Variants in CSMD1 observed in about 807,000 individuals in gnomAD.
CSMD1 encodes CUB and sushi domain-containing protein 1.
Under a neutral mutation model 417.5 loss-of-function variants are expected in CSMD1, and 213 were observed. The observed-to-expected ratio is 0.51, with a 90% CI of 0.46 to 0.57. The LOEUF is 0.57. Ranked by LOEUF, CSMD1 falls within the 20% of genes least tolerant of loss-of-function variation. The pLI is 0.00. For missense variants in CSMD1, 6,923 were observed against 4,529.7 expected, an observed-to-expected ratio of 1.53 and a Z score of -15.17; for synonymous variants, 2,862 against 1,736.8, an observed-to-expected ratio of 1.65 and a Z score of -16.11.
At chr8:3,261,559 C>A (rs1204533500) in intron 26 of CSMD1, among the ~76,000 whole-genome samples, 1 of 152,142 alleles carries the variant, frequency 6.6e-6, no homozygotes, top group Non-Finnish European at 1.5e-5. Context: ...ATGTTCATCA[C>A]AGCTGTACTC....
chr8:4,672,380 G>A (rs1805385526), intron 1 of CSMD1, among the ~76,000 whole-genome samples: 1 of 152,142 alleles, frequency 6.6e-6, no homozygotes, highest in Non-Finnish European at 1.5e-5. Context: ...GAGACTTAGA[G>A]CCTGTTCACA....
chr8:4,986,730 G>A (rs73497802), intron 1 of CSMD1, among the ~76,000 whole-genome samples: 2,397 of 152,144 alleles, frequency 0.016, 63 homozygotes, highest in African/African-American at 0.055. Context: ...TTAAAAAAAA[G>A]AAGATTAGAC....
intron 5 of CSMD1, among the ~76,000 whole-genome samples, chr8:3,758,413 A>C (rs2129055209): frequency 6.6e-6 from 1 of 152,312 alleles, no homozygotes; most frequent in Non-Finnish European, 1.5e-5. Flanking sequence ...GCGTTAAACA[A>C]ATGTTCATAG....
chr8:4,336,169 T>C (rs867467782), intron 3 of CSMD1, among the ~76,000 whole-genome samples: 8 of 152,158 alleles, frequency 5.3e-5, no homozygotes, highest in South Asian at 4.1e-4. Flanking sequence ...ATCATACTCC[T>C]GGTTTGCGGT....
chr8:3,212,817 T>C (rs914943978), intron 30 of CSMD1, among the ~76,000 whole-genome samples: 1 of 145,236 alleles, frequency 6.9e-6, no homozygotes, highest in Non-Finnish European at 1.5e-5. Context: ...TGTTTGATTT[T>C]AGTTTCTTAT....
intron 3 of CSMD1, among the ~76,000 whole-genome samples, chr8:4,366,341 C>G (rs1397133809): frequency 6.6e-6 from 1 of 151,870 alleles, no homozygotes; most frequent in Non-Finnish European, 1.5e-5. Context: ...TGGTGAACAT[C>G]GTGGCTGATT....
intron 6 of CSMD1, among the ~76,000 whole-genome samples, chr8:3,714,297 TA>T (rs1222745225): frequency 2.6e-5 from 4 of 151,146 alleles, no homozygotes; most frequent in Non-Finnish European, 4.4e-5. Context: ...AGATTTCTGT[TA>T]AATTTGAGAA....
intron 2 of CSMD1, among the ~76,000 whole-genome samples, chr8:4,565,456 G>C (rs1001618803): frequency 6.6e-6 from 1 of 151,802 alleles, no homozygotes; most frequent in African/African-American, 2.4e-5. Context: ...ATAGATTTTA[G>C]CCCAGGCATA....
chr8:3,496,600 G>A (rs1347687356), intron 10 of CSMD1, among the ~76,000 whole-genome samples: 1 of 152,128 alleles, frequency 6.6e-6, no homozygotes, highest in Non-Finnish European at 1.5e-5. Flanking sequence ...GGCCGAGGAG[G>A]GTGGGTCATG....
At position 3,318,121 on chromosome 8, in the gene CSMD1, A is replaced by C. The variant is rs148132942; in HGVS notation, c.3632-9618T>G. Among the ~76,000 whole-genome samples, 621 of 152,270 alleles carry C rather than the reference A, an allele frequency of 4.1e-3. 2 individuals are homozygous for C. Among genetic ancestry groups the C allele is most frequent in the Non-Finnish European group, 5.4e-3 (369 of 68,032 alleles). On this transcript the variant is annotated intron_variant, in intron 23 of 69. Coordinates refer to ENST00000635120, the MANE Select transcript of CSMD1 (RefSeq NM_033225.6). ...TGGCCTTCTCCCTGAATTTATTTTT[A>C]ATTATGATTTCTTTCCTGATGATGA...
At chr8:3,655,908 A>G (rs1798076938) in intron 7 of CSMD1, among the ~76,000 whole-genome samples, 2 of 152,188 alleles carry the variant, frequency 1.3e-5, no homozygotes, top group Non-Finnish European at 2.9e-5. Flanking sequence ...AATCCTTGTG[A>G]TGCCAGGAAT....
intron 23 of CSMD1, among the ~76,000 whole-genome samples, chr8:3,330,045 G>C (rs1462147366): frequency 6.6e-6 from 1 of 152,172 alleles, no homozygotes; most frequent in East Asian, 1.9e-4. Flanking sequence ...AGAAGCTCAA[G>C]CCCATGGCAG....
chr8:4,859,738 A>G (rs565528524), intron 1 of CSMD1, among the ~76,000 whole-genome samples: 4 of 152,170 alleles, frequency 2.6e-5, no homozygotes, highest in East Asian at 1.9e-4. Flanking sequence ...TAGAATGGCA[A>G]TCATTAAAAA....
intron 3 of CSMD1, among the ~76,000 whole-genome samples, chr8:4,081,666 C>A (rs1800141269): frequency 6.6e-6 from 1 of 152,098 alleles, no homozygotes; most frequent in Admixed American, 6.5e-5. Flanking sequence ...CTACACAATG[C>A]AACAATTCTC....
chr8:4,157,333 C>G (rs763364121), intron 3 of CSMD1, among the ~76,000 whole-genome samples: 2 of 152,148 alleles, frequency 1.3e-5, no homozygotes, highest in African/African-American at 2.4e-5. Context: ...GTGGGCAGAG[C>G]CCAAGATATT....
chr8:4,544,010 T>C (rs1163645333), intron 2 of CSMD1, among the ~76,000 whole-genome samples: 1 of 152,200 alleles, frequency 6.6e-6, no homozygotes, highest in African/African-American at 2.4e-5. Context: ...TTTAATTATA[T>C]ATTTTCGGAC....
chr8:3,761,500 A>ATT (rs57655479), intron 5 of CSMD1, among the ~76,000 whole-genome samples: 1,756 of 93,288 alleles, frequency 0.019, 52 homozygotes, highest in East Asian at 0.14. Flanking sequence ...CAAAACGACC[A>ATT]TTTTTTTTTT....
intron 3 of CSMD1, among the ~76,000 whole-genome samples, chr8:4,256,606 C>G (rs149603790): frequency 6.6e-6 from 1 of 152,122 alleles, no homozygotes; most frequent in Non-Finnish European, 1.5e-5. Flanking sequence ...TTAGAGAAAA[C>G]CACCTTGAGA....
At chr8:4,055,199 T>G (rs897675290) in intron 3 of CSMD1, among the ~76,000 whole-genome samples, 1 of 152,198 alleles carries the variant, frequency 6.6e-6, no homozygotes, top group Non-Finnish European at 1.5e-5. Context: ...AACTTCAATT[T>G]TCTTATTCAA....
Sources: gnomAD v4.1 joint callset for allele counts (sites outside exome capture counted in the v4.1 genomes callset) on GRCh38, gnomAD v4.1.1 for gene constraint, MANE v1.5 for transcripts, NCBI Gene and HGNC (gene_info 2026-07-23, HGNC 2026-07-21) for gene names.